NOL4: variants seen among roughly 807,000 people sequenced by gnomAD.
NOL4 encodes the protein cancer/testis antigen 125.
A neutral mutation model predicts 75.9 loss-of-function variants in NOL4; 17 were observed. The observed-to-expected ratio is 0.22, with a 90% confidence interval of 0.15 to 0.34. The LOEUF (loss-of-function observed/expected upper bound fraction) is 0.34. NOL4 is among the 10% of genes least tolerant of loss of function. NOL4 has a pLI of 1.00. For missense variants in NOL4, 614 were observed against 793.5 expected, an observed-to-expected ratio of 0.77 and a Z score of 2.72; for synonymous variants, 292 against 289.9, an observed-to-expected ratio of 1.01 and a Z score of -0.07.
chr18:34,147,959 C>T (rs1039484691), intron 1 of NOL4, among the ~76,000 whole-genome samples: 1 of 151,920 alleles, frequency 6.6e-6, no homozygotes, highest in South Asian at 2.1e-4. Context: ...TGTATGTATC[C>T]AGGAATTTAT....
At chr18:33,985,710 T>A (rs904286408) in intron 6 of NOL4, among the ~76,000 whole-genome samples, 1 of 152,190 alleles carries the variant, frequency 6.6e-6, no homozygotes, top group Non-Finnish European at 1.5e-5. Context: ...TTTAGTTTTG[T>A]AGCAAATGCT....
intron 2 of NOL4, among the ~76,000 whole-genome samples, chr18:34,106,707 T>TA (rs1234389063): frequency 2.0e-5 from 3 of 151,746 alleles, no homozygotes; most frequent in South Asian, 2.1e-4. Context: ...TCTCTTTCCC[T>TA]ATAAACACAC....
chr18:34,012,313 A>C (rs927423190), intron 6 of NOL4, among the ~76,000 whole-genome samples: 1 of 151,926 alleles, frequency 6.6e-6, no homozygotes, highest in Non-Finnish European at 1.5e-5. Context: ...TATTCATAAA[A>C]GCATTGTATA....
rs2074899899 is a variant in NOL4 at position 34,019,355 on chromosome 18, A to T, written c.1019T>A (p.Leu340His). The change falls in exon 6 of 11, where the codon CTC becomes CAC. Residue 340 changes from leucine to histidine, a missense_variant. Physicochemically the swap from Leu to His is moderately conservative, Grantham distance 99. This residue lies in a region of NOL4 where 196 missense variants were observed against 167.9 expected (regional missense o/e 1.17). Transcript: ENST00000261592. ...NKYKNLLISD[L>H]KMEREARENG... The stretch of plus-strand genomic sequence containing the variant: ...TTCTCTCGCCTCTCGTTCCATCTTG[A>T]GGTCAGAAATTAGAAGATTCTTATA... 6.2e-7 allele frequency: 1 copy of T among 1,613,836 alleles called. No individual in the cohort carries two copies. The highest frequency in any genetic ancestry group is 8.5e-7 in the Non-Finnish European group (1 of 1,179,948).
chr18:34,059,542 T>C (rs1197553690), intron 5 of NOL4, among the ~76,000 whole-genome samples: 1 of 152,184 alleles, frequency 6.6e-6, no homozygotes, highest in African/African-American at 2.4e-5. Flanking sequence ...GTTTCCACAG[T>C]ACCTTGTGTA....
At chr18:33,978,836 GTTAAT>G (rs2145955588) in intron 6 of NOL4, among the ~76,000 whole-genome samples, 1 of 151,396 alleles carries the variant, frequency 6.6e-6, no homozygotes, top group Admixed American at 6.6e-5. Flanking sequence ...TTGTTATATT[GTTAAT>G]TTTAAGTTTT....
At chr18:33,954,497 A>G (rs191943329) in intron 8 of NOL4, among the ~76,000 whole-genome samples, 124 of 151,950 alleles carry the variant, frequency 8.2e-4, no homozygotes, top group African/African-American at 2.9e-3. Flanking sequence ...CAGATTGTAG[A>G]AGAAGAAGAA....
At chr18:33,981,914 G>A (rs975024858) in intron 6 of NOL4, among the ~76,000 whole-genome samples, 1 of 151,968 alleles carries the variant, frequency 6.6e-6, no homozygotes, top group Non-Finnish European at 1.5e-5. Context: ...AGTGAGGGAA[G>A]AATTAGGAGT....
At chr18:33,965,163 G>A (rs907035732) in intron 6 of NOL4, among the ~76,000 whole-genome samples, 2 of 152,052 alleles carry the variant, frequency 1.3e-5, no homozygotes, top group Middle Eastern at 3.2e-3. Context: ...GAGATGATAC[G>A]ACAAGAATGC....
intron 2 of NOL4, among the ~76,000 whole-genome samples, chr18:34,124,260 G>A (rs996594581): frequency 1.1e-4 from 16 of 152,088 alleles, no homozygotes; most frequent in African/African-American, 2.9e-4. Context: ...ATCTATACTT[G>A]CACTAAGATC....
At chr18:34,163,150 A>AG (rs1240629626) in intron 1 of NOL4, among the ~76,000 whole-genome samples, 1 of 152,238 alleles carries the variant, frequency 6.6e-6, no homozygotes, top group African/African-American at 2.4e-5. Context: ...AATAGGCAAA[A>AG]GCTGGAAGCA....
chr18:34,101,255 G>A (rs1187982118), intron 4 of NOL4, among the ~76,000 whole-genome samples: 1 of 152,196 alleles, frequency 6.6e-6, no homozygotes. Flanking sequence ...ACTCTTGCCA[G>A]TAGGGCAGCA....
At chr18:33,883,120 T>C in intron 10 of NOL4, 124 bp downstream of exon 10, 3 of 610,872 alleles carry the variant, frequency 4.9e-6, no homozygotes, top group Non-Finnish European at 5.5e-6. Context: ...GATGAGTTAG[T>C]GGGTGCAGCG....
At chr18:34,029,567 C>T (rs2075528668) in intron 5 of NOL4, among the ~76,000 whole-genome samples, 1 of 152,130 alleles carries the variant, frequency 6.6e-6, no homozygotes, top group Admixed American at 6.5e-5. Context: ...GCAGCTGACT[C>T]CATAATCTGT....
At position 34,110,128 on chromosome 18, in the gene NOL4, CAAAAAAAAAAAAAAAA is replaced by C. The variant is rs57576599; in HGVS notation, c.415-4984_415-4969del. ...AACTCCTTCCATCCCCGCCCTCCCA[CAAAAAAAAAAAAAAAA>C]AAAAAAAAAAAAAAAAAAATACTGG... On this transcript the variant is annotated intron_variant, in intron 2 of 10. Coordinates refer to ENST00000261592, the MANE Select transcript of NOL4 (RefSeq NM_003787.5). Among the ~76,000 whole-genome samples the C allele has an allele frequency of 9.5e-3, 456 of 47,894 alleles. 4 individuals carry two copies. Among genetic ancestry groups the C allele is most frequent in the Middle Eastern group, 0.037 (2 of 54 alleles). The allele number at this position is 47,894 out of a possible 152,430, so 31.4% of individuals were successfully genotyped here.
intron 4 of NOL4, among the ~76,000 whole-genome samples, chr18:34,102,025 C>T (rs958110446): frequency 6.6e-6 from 1 of 151,850 alleles, no homozygotes; most frequent in African/African-American, 2.4e-5. Context: ...AGATATATAC[C>T]TGCCTCAGGA....
intron 5 of NOL4, among the ~76,000 whole-genome samples, chr18:34,037,573 C>G (rs180872702): frequency 6.6e-6 from 1 of 152,122 alleles, no homozygotes; most frequent in African/African-American, 2.4e-5. Flanking sequence ...AACACATAGA[C>G]TAATGGAACA....
chr18:33,962,602 A>G (rs1258236507), intron 6 of NOL4, among the ~76,000 whole-genome samples: 1 of 152,210 alleles, frequency 6.6e-6, no homozygotes, highest in Non-Finnish European at 1.5e-5. Context: ...CTCTGACATT[A>G]ACAGTAAAGT....
chr18:33,957,246 A>C, intron 8 of NOL4, 80 bp downstream of exon 8: 1 of 1,201,304 alleles, frequency 8.3e-7, no homozygotes, highest in Non-Finnish European at 1.1e-6. Context: ...AAAAGACACT[A>C]AGATGGAAAA....
Sources: allele counts gnomAD v4.1 joint callset (sites outside exome capture counted in the v4.1 genomes callset), GRCh38; gene constraint gnomAD v4.1.1; regional missense constraint gnomAD v4.1.1; transcripts MANE v1.5; gene names NCBI Gene and HGNC (gene_info 2026-07-23, HGNC 2026-07-21).